Variants in CARMIL1 observed in about 807,000 individuals in gnomAD.
The protein encoded by CARMIL1 is capping protein regulator and myosin 1 linker 1, also known as F-actin-uncapping protein LRRC16A.
Under a neutral mutation model 177.1 loss-of-function variants are expected in CARMIL1, and 90 were observed. The ratio of observed to expected loss-of-function variants is 0.51; its 90% CI spans 0.43 to 0.61. CARMIL1 has a LOEUF of 0.61. Ranked by LOEUF, CARMIL1 falls within the 20% of genes least tolerant of loss-of-function variation. CARMIL1 has a pLI of 0.00. For synonymous variants in CARMIL1, 577 were observed against 606.2 expected (o/e 0.95, Z 0.71); for missense variants, 1,380 against 1,667.0 (o/e 0.83, Z 3.00).
intron 11 of CARMIL1, chr6:25,479,389 T>C (rs1801881114): frequency 3.1e-6 from 1 of 322,014 alleles, no homozygotes; most frequent in South Asian, 2.7e-5. Context: ...TAAATTAGTT[T>C]TGGTCTGTCA....
chr6:25,302,916 C>T (rs1366718717), intron 2 of CARMIL1, among the ~76,000 whole-genome samples: 1 of 152,114 alleles, frequency 6.6e-6, no homozygotes, highest in Non-Finnish European at 1.5e-5. Context: ...GAAAGAGTGT[C>T]GTGTCTCCCT....
intron 2 of CARMIL1, among the ~76,000 whole-genome samples, chr6:25,331,766 C>T (rs977089213): frequency 3.9e-5 from 6 of 152,182 alleles, no homozygotes; most frequent in Non-Finnish European, 8.8e-5. Flanking sequence ...TGATGCTTGT[C>T]TTTGGCTTTT....
At chr6:25,327,445 A>C (rs956186168) in intron 2 of CARMIL1, among the ~76,000 whole-genome samples, 1 of 152,246 alleles carries the variant, frequency 6.6e-6, no homozygotes, top group East Asian at 1.9e-4. Flanking sequence ...TCAAGAATCA[A>C]CTTGATTTCC....
At chr6:25,529,742 G>A (rs1807540301) in intron 24 of CARMIL1, among the ~76,000 whole-genome samples, 3 of 32,984 alleles carry the variant, frequency 9.1e-5, no homozygotes, top group African/African-American at 1.3e-4. Flanking sequence ...GCGACAGAGC[G>A]AGACTCCGTC....
At chr6:25,588,946 C>G (rs182341829) in intron 31 of CARMIL1, among the ~76,000 whole-genome samples, 4 of 152,194 alleles carry the variant, frequency 2.6e-5, no homozygotes, top group Non-Finnish European at 5.9e-5. Flanking sequence ...CATATATTCT[C>G]GGCATAGGGC....
At chr6:25,570,711 A>G (rs1811998989) in intron 29 of CARMIL1, among the ~76,000 whole-genome samples, 1 of 152,222 alleles carries the variant, frequency 6.6e-6, no homozygotes, top group Admixed American at 6.5e-5. Flanking sequence ...TCATGATGCC[A>G]GTTTAACTTT....
At chr6:25,411,331 C>T (rs745829556) in intron 2 of CARMIL1, among the ~76,000 whole-genome samples, 1 of 152,174 alleles carries the variant, frequency 6.6e-6, no homozygotes, top group African/African-American at 2.4e-5. Context: ...CATCTTCACC[C>T]TTGGCCTCAT....
intron 2 of CARMIL1, among the ~76,000 whole-genome samples, chr6:25,399,954 A>G (rs1793748757): frequency 6.6e-6 from 1 of 152,164 alleles, no homozygotes. Flanking sequence ...GGTAGATACT[A>G]CATTATGTGT....
At chr6:25,525,307 T>A (rs922317428) in intron 23 of CARMIL1, among the ~76,000 whole-genome samples, 8 of 152,076 alleles carry the variant, frequency 5.3e-5, no homozygotes, top group African/African-American at 1.9e-4. Context: ...ACCATGTAAG[T>A]AAGAAGAGAG....
chr6:25,565,435 A>G (rs1811470097), intron 29 of CARMIL1, among the ~76,000 whole-genome samples: 1 of 152,216 alleles, frequency 6.6e-6, no homozygotes, highest in Non-Finnish European at 1.5e-5. Flanking sequence ...GGAGTCATCC[A>G]TGCCCAAGTA....
intron 2 of CARMIL1, among the ~76,000 whole-genome samples, chr6:25,321,505 A>G (rs1171064276): frequency 6.6e-6 from 1 of 152,156 alleles, no homozygotes; most frequent in Non-Finnish European, 1.5e-5. Context: ...ACAGCCTCTG[A>G]TACTTTACAC....
intron 31 of CARMIL1, among the ~76,000 whole-genome samples, chr6:25,583,719 T>C (rs1203780453): frequency 6.6e-6 from 1 of 152,184 alleles, no homozygotes; most frequent in Non-Finnish European, 1.5e-5. Flanking sequence ...AATTTACTGA[T>C]TTTTAGATTT....
chr6:25,297,556 T>C (rs1483869786), intron 2 of CARMIL1, among the ~76,000 whole-genome samples: 1 of 152,248 alleles, frequency 6.6e-6, no homozygotes, highest in Non-Finnish European at 1.5e-5. Flanking sequence ...ATGCGAGAAG[T>C]TGGTCCAATC....
At chr6:25,539,384 G>T (rs1229286803) in intron 25 of CARMIL1, among the ~76,000 whole-genome samples, 1 of 151,958 alleles carries the variant, frequency 6.6e-6, no homozygotes, top group Middle Eastern at 3.2e-3. Context: ...CTTGCCTGGT[G>T]TGGCAAACAC....
intron 5 of CARMIL1, among the ~76,000 whole-genome samples, chr6:25,447,028 C>T (rs934936919): frequency 3.3e-5 from 5 of 152,090 alleles, no homozygotes; most frequent in African/African-American, 9.7e-5. Context: ...TCACTGATCA[C>T]GTCACCAAAA....
chr6:25,426,444 GT>G, intron 3 of CARMIL1, 56 bp from the exon 4 acceptor site: 2 of 863,524 alleles, frequency 2.3e-6, no homozygotes, highest in Non-Finnish European at 1.8e-6. Context: ...TAAGTTATAT[GT>G]TTTTTTAAAA....
intron 2 of CARMIL1, among the ~76,000 whole-genome samples, chr6:25,351,999 A>G (rs1788153515): frequency 6.6e-6 from 1 of 151,970 alleles, no homozygotes; most frequent in African/African-American, 2.4e-5. Flanking sequence ...TTTTTTTTCT[A>G]TTCACTAGTT....
chr6:25,365,818 T>C (rs887769557), intron 2 of CARMIL1, among the ~76,000 whole-genome samples: 3 of 152,226 alleles, frequency 2.0e-5, no homozygotes, highest in Non-Finnish European at 4.4e-5. Flanking sequence ...TCCAAAATGC[T>C]AGGATTACAG....
Position 25,332,775 on chromosome 6 carries a change from G to GCACA in CARMIL1, c.138+47880_138+47883dup, listed in dbSNP as rs1441062522. Among the ~76,000 whole-genome samples, 333 of 137,294 alleles carry GCACA rather than the reference G, an allele frequency of 2.4e-3. 2 individuals are homozygous for GCACA. Among genetic ancestry groups the GCACA allele is most frequent in the African/African-American group, 7.4e-3 (264 of 35,782 alleles). The allele number at this position is 137,294 out of a possible 152,430, so 90.1% of individuals were successfully genotyped here. On this transcript the variant is annotated intron_variant, in intron 2 of 36. Transcript: ENST00000329474. Reference sequence around the variant, plus strand: ...CACACACACACACACACACACACGCGCACACACACACACACACTTCTTTTA... The same window carrying GCACA: ...CACACACACACACACACACACACGCGCACACACACACACACACACACTTCTTTTA...
Sources: allele counts gnomAD v4.1 joint callset (sites outside exome capture counted in the v4.1 genomes callset), GRCh38; gene constraint gnomAD v4.1.1; transcripts MANE v1.5; gene names NCBI Gene and HGNC (gene_info 2026-07-23, HGNC 2026-07-21).